Variants in XKR9 observed in about 807,000 individuals in gnomAD.
XKR9 encodes the protein XK related 9.
XKR9 carries 32 observed loss-of-function variants against 32.0 expected under a neutral mutation model. The observed-to-expected ratio is 1.00, with a 90% CI of 0.76 to 1.34. XKR9 has a LOEUF of 1.34. Among genes scored for constraint, XKR9 ranks in the 40% most tolerant of loss-of-function variants. The probability of loss-of-function intolerance (pLI) is 0.00; values close to 1 mark genes in which losing one functional copy is unlikely to be tolerated. For synonymous variants in XKR9, 168 were observed against 143.4 expected, an observed-to-expected ratio of 1.17 and a Z score of -1.22; for missense variants, 546 against 429.7, an observed-to-expected ratio of 1.27 and a Z score of -2.39.
intron 4 of XKR9, among the ~76,000 whole-genome samples, chr8:70,725,716 T>TC (rs1325141271): frequency 2.6e-5 from 4 of 151,978 alleles, no homozygotes; most frequent in Non-Finnish European, 5.9e-5. Flanking sequence ...GACCAGCCTG[T>TC]CCAACATTGT....
the XKR9 span, among the ~76,000 whole-genome samples, chr8:70,845,527 A>C: frequency 1.9e-3 from 286 of 152,344 alleles, no homozygotes; most frequent in African/African-American, 6.7e-3. Context: ...ACAGATAAAC[A>C]ATACAATGAA....
At chr8:70,973,488 C>G in the XKR9 span, among the ~76,000 whole-genome samples, 2 of 151,138 alleles carry the variant, frequency 1.3e-5, no homozygotes, top group Admixed American at 6.6e-5. Context: ...TTATTTTTTT[C>G]TTCGGCTAGG....
At chr8:70,785,743 A>C (rs28805005) in intron 2 of XKR9, among the ~76,000 whole-genome samples, 41,725 of 134,766 alleles carry the variant, frequency 0.31, 6,632 homozygotes, top group Non-Finnish European at 0.4. Flanking sequence ...CTCTCTCTAT[A>C]TATATATATA....
At chr8:70,880,578 C>T in the XKR9 span, among the ~76,000 whole-genome samples, 1 of 152,026 alleles carries the variant, frequency 6.6e-6, no homozygotes, top group Admixed American at 6.6e-5. Context: ...ATGTGAAGGA[C>T]CTCTTCAGGA....
the XKR9 span, among the ~76,000 whole-genome samples, chr8:70,971,310 A>AT: frequency 3.3e-4 from 49 of 146,440 alleles, no homozygotes; most frequent in Admixed American, 9.5e-4. Context: ...TTTTGATGGG[A>AT]TTTTTTTTTT....
chr8:70,964,310 G>C, the XKR9 span, among the ~76,000 whole-genome samples: 1 of 152,048 alleles, frequency 6.6e-6, no homozygotes, highest in Non-Finnish European at 1.5e-5. Flanking sequence ...CCTCTATTCT[G>C]TTCCCTTGGT....
chr8:70,703,271 AGTTTGG>A (rs1033858402), intron 3 of XKR9, among the ~76,000 whole-genome samples: 4 of 145,006 alleles, frequency 2.8e-5, no homozygotes, highest in African/African-American at 1.0e-4. Context: ...TTTGTGCTTT[AGTTTGG>A]GTGATTTCTC....
the XKR9 span, among the ~76,000 whole-genome samples, chr8:70,812,827 T>C: frequency 3.6e-3 from 549 of 152,320 alleles, 3 homozygotes; most frequent in South Asian, 0.019. Context: ...TCCATGCTCA[T>C]GGATAGGGAG....
chr8:70,937,108 A>G, the XKR9 span, among the ~76,000 whole-genome samples: 4 of 151,624 alleles, frequency 2.6e-5, no homozygotes, highest in Non-Finnish European at 4.4e-5. Context: ...ACATACACAC[A>G]CCCCACATTA....
At chr8:71,039,969 C>T in the XKR9 span, among the ~76,000 whole-genome samples, 1 of 152,088 alleles carries the variant, frequency 6.6e-6, no homozygotes, top group East Asian at 1.9e-4. Flanking sequence ...ATGGAAAAAG[C>T]CCTATATCTT....
At chr8:70,677,080 C>T (rs1818910291) in intron 2 of XKR9, among the ~76,000 whole-genome samples, 1 of 151,214 alleles carries the variant, frequency 6.6e-6, no homozygotes, top group Admixed American at 6.6e-5. Context: ...TGTTCTCAGA[C>T]TATAAAGTTT....
In XKR9 at chr8:70,754,992, G is replaced by GA. The variant is rs1436047991; in HGVS notation, n.353-34343dup. On this transcript the variant is annotated intron_variant and non_coding_transcript_variant, in intron 2 of 3. Coordinates refer to the XKR9 transcript ENST00000520273. The stretch of plus-strand genomic sequence containing the variant: ...TGAACAGGCAACCTACAAAATGGGA[G>GA]AAAATTTTTGCAACCTACTCATCTG... Among the ~76,000 whole-genome samples, 37 of 151,662 alleles carry GA rather than the reference G, an allele frequency of 2.4e-4. No homozygotes were observed. The South Asian group carries it at 7.5e-3, about 31-fold the overall frequency.
At chr8:70,953,004 C>T in the XKR9 span, among the ~76,000 whole-genome samples, 108 of 152,232 alleles carry the variant, frequency 7.1e-4, no homozygotes, top group Admixed American at 3.2e-3. Context: ...CAAGTTCGCA[C>T]GGAGAACTGA....
chr8:70,693,869 A>G (rs1805163258), intron 3 of XKR9, among the ~76,000 whole-genome samples: 1 of 152,132 alleles, frequency 6.6e-6, no homozygotes, highest in African/African-American at 2.4e-5. Flanking sequence ...GAAGGTGGCA[A>G]GGCATGTTCC....
At chr8:70,739,606 C>T (rs62530854), downstream of XKR9, among the ~76,000 whole-genome samples, 50,063 of 151,780 alleles carry the variant, frequency 0.33, 9,368 homozygotes, top group Non-Finnish European at 0.43. Context: ...TGGCTGGTAC[C>T]GGTTGTTCCT....
At chr8:71,018,611 A>T in the XKR9 span, among the ~76,000 whole-genome samples, 1 of 152,326 alleles carries the variant, frequency 6.6e-6, no homozygotes, top group East Asian at 1.9e-4. Context: ...TTGATTTCCC[A>T]GACCCTGGCA....
chr8:71,062,271 G>A, the XKR9 span, among the ~76,000 whole-genome samples: 1 of 152,140 alleles, frequency 6.6e-6, no homozygotes, highest in African/African-American at 2.4e-5. Context: ...CATCGACTGG[G>A]TGGCTTTATT....
the XKR9 span, among the ~76,000 whole-genome samples, chr8:70,878,214 A>G: frequency 6.6e-6 from 1 of 152,210 alleles, no homozygotes; most frequent in Admixed American, 6.5e-5. Flanking sequence ...CCAATTTGTA[A>G]AGACCATCGA....
the XKR9 span, among the ~76,000 whole-genome samples, chr8:70,870,545 A>G: frequency 1.3e-5 from 2 of 152,210 alleles, no homozygotes; most frequent in African/African-American, 2.4e-5. Context: ...CTCATAAAGT[A>G]TGGAAGCCAG....
Sources: gnomAD v4.1 joint callset for allele counts (sites outside exome capture counted in the v4.1 genomes callset) on GRCh38, gnomAD v4.1.1 for gene constraint, MANE v1.5 for transcripts, NCBI Gene and HGNC (gene_info 2026-07-23, HGNC 2026-07-21) for gene names.